CTDSPL2: variants seen among roughly 807,000 people sequenced by gnomAD.
CTDSPL2 encodes the protein CTD small phosphatase like 2.
CTDSPL2 carries 5 observed loss-of-function variants against 60.0 expected under a neutral mutation model. The ratio of observed to expected loss-of-function variants is 0.08; its 90% CI spans 0.04 to 0.18. The LOEUF (loss-of-function observed/expected upper bound fraction) is 0.18, where lower values mean the gene tolerates loss of function less well. Ranked by LOEUF, CTDSPL2 falls within the 10% of genes least tolerant of loss-of-function variation. The pLI is 1.00. For missense variants in CTDSPL2, 370 were observed against 548.8 expected (o/e 0.67, Z 3.26); for synonymous variants, 186 against 189.3 (o/e 0.98, Z 0.14).
intron 8 of CTDSPL2, among the ~76,000 whole-genome samples, chr15:44,503,092 A>T (rs1246939536): frequency 6.6e-6 from 1 of 152,198 alleles, no homozygotes; most frequent in Non-Finnish European, 1.5e-5. Context: ...TGTGGACTAG[A>T]CAGAGTATAG....
At chr15:44,464,655 C>A (rs2080646735) in intron 2 of CTDSPL2, among the ~76,000 whole-genome samples, 1 of 152,136 alleles carries the variant, frequency 6.6e-6, no homozygotes, top group Admixed American at 6.5e-5. Context: ...GTGTCTGCAT[C>A]TTTACAGACA....
At chr15:44,442,906 G>A (rs1023896893) in intron 1 of CTDSPL2, among the ~76,000 whole-genome samples, 23 of 151,896 alleles carry the variant, frequency 1.5e-4, no homozygotes, top group African/African-American at 5.1e-4. Flanking sequence ...AGCCTGGGAC[G>A]TTGAGGCTGC....
chr15:44,469,701 G>T (rs972158309), intron 2 of CTDSPL2, among the ~76,000 whole-genome samples: 1 of 152,060 alleles, frequency 6.6e-6, no homozygotes, highest in South Asian at 2.1e-4. Flanking sequence ...GTTGTTCAGT[G>T]CAGTATTCTA....
At chr15:44,521,937 C>CA (rs904398715) in intron 12 of CTDSPL2, among the ~76,000 whole-genome samples, 49,989 of 60,708 alleles carry the variant, frequency 0.82, 23,407 homozygotes, top group Middle Eastern at 0.93. Flanking sequence ...GACTCCGTCT[C>CA]AAAAAAAAAA....
At chr15:44,504,312 T>C (rs975200811) in intron 8 of CTDSPL2, among the ~76,000 whole-genome samples, 1 of 152,058 alleles carries the variant, frequency 6.6e-6, no homozygotes, top group African/African-American at 2.4e-5. Flanking sequence ...ATTGCGCCAC[T>C]GCACTCCAGC....
chr15:44,486,441 C>T (rs34327950), intron 3 of CTDSPL2, 110 bp from the exon 4 acceptor site: 15,075 of 714,624 alleles, frequency 0.021, 231 homozygotes, highest in Non-Finnish European at 0.027. Context: ...AATTAGCTTT[C>T]GTGAAGTATT....
intron 8 of CTDSPL2, among the ~76,000 whole-genome samples, chr15:44,502,615 A>G (rs2081398302): frequency 6.6e-6 from 1 of 152,208 alleles, no homozygotes; most frequent in Non-Finnish European, 1.5e-5. Flanking sequence ...GTACAACGTT[A>G]TATACAAAAA....
At position 44,474,426 on chromosome 15, in the gene CTDSPL2, G is replaced by A. The variant is rs140422280; in HGVS notation, c.187-9798G>A. Among the ~76,000 whole-genome samples the A allele has an allele frequency of 5.1e-4, 77 of 152,190 alleles. No individual in the cohort carries two copies. The Middle Eastern group carries it at 0.017, about 34-fold the overall frequency. On this transcript the variant is annotated intron_variant, in intron 2 of 12. Coordinates refer to ENST00000260327, the MANE Select transcript of CTDSPL2 (RefSeq NM_016396.3). ...GATCGCTTGAACCCAGGAGGCGGAG[G>A]TTGCAGTGAGTGGAGATCGCACCAC...
chr15:44,454,617 A>G (rs894212556), intron 1 of CTDSPL2, among the ~76,000 whole-genome samples: 15 of 152,242 alleles, frequency 9.9e-5, no homozygotes, highest in African/African-American at 2.7e-4. Context: ...GGTGTAAGCA[A>G]GGGATCCAGT....
intron 4 of CTDSPL2, among the ~76,000 whole-genome samples, chr15:44,488,419 A>C (rs1455754635): frequency 6.6e-6 from 1 of 152,210 alleles, no homozygotes; most frequent in Admixed American, 6.5e-5. Flanking sequence ...TGAAGATGGC[A>C]CAAGAGTAGA....
At chr15:44,523,979 C>CT in intron 12 of CTDSPL2, 130 bp from the exon 13 acceptor site, 3 of 684,854 alleles carry the variant, frequency 4.4e-6, no homozygotes, top group Non-Finnish European at 7.7e-6. Flanking sequence ...TGTAGTATCT[C>CT]TATTTGGCAA....
Position 44,526,412 on chromosome 15 carries a change from A to G in CTDSPL2, c.*2238A>G, listed in dbSNP as rs1048016448. 9.9e-5 allele frequency: 15 copies of G among 152,066 alleles called. No homozygotes were observed. The highest frequency in any genetic ancestry group is 2.1e-4 in the South Asian group (1 of 4,826). The allele number at this position is 152,066 out of a possible 1,614,324, so 9.4% of individuals were successfully genotyped here. A position where few individuals can be genotyped will look rare whatever the true frequency, so the allele number is the denominator to read the frequency against. Reference sequence around the variant, plus strand: ...GTGGGCACTTCAATAATAAAAACCAACTTTTTAAACTAATCATCTTTTATC... The same window carrying G: ...GTGGGCACTTCAATAATAAAAACCAGCTTTTTAAACTAATCATCTTTTATC... On this transcript the variant is annotated 3_prime_UTR_variant, in exon 13 of 13. Transcript: ENST00000260327.
At chr15:44,474,560 TA>T (rs959571341) in intron 2 of CTDSPL2, among the ~76,000 whole-genome samples, 8 of 151,888 alleles carry the variant, frequency 5.3e-5, no homozygotes, top group African/African-American at 1.9e-4. Context: ...AACGTGGCTA[TA>T]AAGAATGCAA....
chr15:44,468,925 A>G (rs1327757619), intron 2 of CTDSPL2, among the ~76,000 whole-genome samples: 1 of 152,142 alleles, frequency 6.6e-6, no homozygotes, highest in African/African-American at 2.4e-5. Context: ...GAGTATCCAT[A>G]TGTATATGCT....
At chr15:44,509,920 C>A (rs576505088) in intron 8 of CTDSPL2, among the ~76,000 whole-genome samples, 3 of 150,850 alleles carry the variant, frequency 2.0e-5, no homozygotes, top group South Asian at 4.2e-4. Context: ...GGCGAGACTC[C>A]ATTTAAAAAT....
intron 1 of CTDSPL2, among the ~76,000 whole-genome samples, chr15:44,443,934 A>C (rs531585370): frequency 1.3e-5 from 2 of 152,276 alleles, no homozygotes; most frequent in Admixed American, 1.3e-4. Context: ...GTAGGATCTT[A>C]CTGTGTCACC....
At chr15:44,470,978 G>A (rs973341620) in intron 2 of CTDSPL2, among the ~76,000 whole-genome samples, 3 of 151,950 alleles carry the variant, frequency 2.0e-5, no homozygotes, top group East Asian at 1.9e-4. Context: ...TGTTCAAAGT[G>A]TTTGTTTTCT....
chr15:44,456,237 A>T (rs1307764388), intron 1 of CTDSPL2, among the ~76,000 whole-genome samples: 1 of 152,174 alleles, frequency 6.6e-6, no homozygotes, highest in Non-Finnish European at 1.5e-5. Flanking sequence ...GCTTTGTATC[A>T]GGATGATGCT....
chr15:44,513,612 G>T (rs1263061810), intron 8 of CTDSPL2, among the ~76,000 whole-genome samples: 1 of 152,160 alleles, frequency 6.6e-6, no homozygotes, highest in Non-Finnish European at 1.5e-5. Flanking sequence ...ACTCCACTAA[G>T]CCTGGGTTTG....
Sources: gnomAD v4.1 joint callset for allele counts (sites outside exome capture counted in the v4.1 genomes callset) on GRCh38, gnomAD v4.1.1 for gene constraint, MANE v1.5 for transcripts, NCBI Gene and HGNC (gene_info 2026-07-23, HGNC 2026-07-21) for gene names.